The following RAI14 variants were observed in gnomAD, a reference collection of about 807,000 sequenced individuals.
RAI14 encodes the protein retinoic acid induced 14.
A neutral mutation model predicts 115.4 loss-of-function variants in RAI14; 45 were observed. The ratio of observed to expected loss-of-function variants is 0.39; its 90% confidence interval spans 0.31 to 0.50. The LOEUF (loss-of-function observed/expected upper bound fraction) is 0.50. Among genes scored for constraint, RAI14 ranks in the 20% least tolerant of loss-of-function variants. The pLI is 0.85. For synonymous variants in RAI14, 371 were observed against 415.4 expected, an observed-to-expected ratio of 0.89 and a Z score of 1.30; for missense variants, 939 against 1,131.2, an observed-to-expected ratio of 0.83 and a Z score of 2.44.
At chr5:34,816,129 A>G (rs1376867419) in intron 12 of RAI14, among the ~76,000 whole-genome samples, 1 of 152,234 alleles carries the variant, frequency 6.6e-6, no homozygotes, top group Non-Finnish European at 1.5e-5. Context: ...CAATTTGAAT[A>G]AAGTTGTAAT....
At chr5:34,741,493 A>G (rs1048253248) in intron 2 of RAI14, among the ~76,000 whole-genome samples, 1 of 152,228 alleles carries the variant, frequency 6.6e-6, no homozygotes. Context: ...CTTTATGCCT[A>G]GTTGGCAGAG....
chr5:34,690,037 C>T (rs1738374388), intron 2 of RAI14, among the ~76,000 whole-genome samples: 1 of 152,194 alleles, frequency 6.6e-6, no homozygotes, highest in Non-Finnish European at 1.5e-5. Flanking sequence ...GTAGAATACT[C>T]TGGTAACAGT....
chr5:34,719,367 C>G (rs1253430839), intron 2 of RAI14, among the ~76,000 whole-genome samples: 1 of 152,198 alleles, frequency 6.6e-6, no homozygotes, highest in Admixed American at 6.5e-5. Flanking sequence ...GGAAATCATA[C>G]AGCATCGCTT....
intron 4 of RAI14, among the ~76,000 whole-genome samples, chr5:34,799,947 A>G (rs529636275): frequency 6.6e-6 from 1 of 152,180 alleles, no homozygotes; most frequent in African/African-American, 2.4e-5. Context: ...TCGGCCTCCC[A>G]AAGAGCTGGG....
At chr5:34,830,054 C>T (rs1000328475) in intron 17 of RAI14, among the ~76,000 whole-genome samples, 1 of 152,190 alleles carries the variant, frequency 6.6e-6, no homozygotes, top group African/African-American at 2.4e-5. Flanking sequence ...GGCATAATCT[C>T]GCCTCACTGC....
intron 1 of RAI14, 62 bp from the exon 2 acceptor site, chr5:34,686,810 A>C: frequency 1.8e-6 from 2 of 1,107,766 alleles, no homozygotes; most frequent in Non-Finnish European, 1.3e-6. Context: ...CCAAGTTGTA[A>C]TCCAATCAGG....
intron 2 of RAI14, among the ~76,000 whole-genome samples, chr5:34,740,518 C>T (rs1244384651): frequency 1.3e-5 from 2 of 152,176 alleles, no homozygotes; most frequent in Admixed American, 1.3e-4. Flanking sequence ...ATGACTTTTC[C>T]AAAGTTCTCC....
Position 34,708,958 on chromosome 5 carries a change from C to T in RAI14, c.36+22003C>T, listed in dbSNP as rs149649018. On this transcript the variant is annotated intron_variant, in intron 2 of 17. Transcript: ENST00000265109. ...AGGAGTTTGAAACCAGTCTGGGCAA[C>T]ATAGCAAGACCCTATCTCTATAAAA... 3.8e-3 allele frequency among the ~76,000 whole-genome samples: 575 copies of T among 151,928 alleles called. 5 individuals carry two copies. Among genetic ancestry groups the T allele is most frequent in the Non-Finnish European group, 6.1e-3 (412 of 67,958 alleles).
chr5:34,808,749 T>C (rs575577394), intron 7 of RAI14, 95 bp downstream of exon 7: 2 of 1,196,006 alleles, frequency 1.7e-6, no homozygotes, highest in South Asian at 2.7e-5. Flanking sequence ...AGACTAGCAG[T>C]CTCCAACCTT....
chr5:34,711,905 T>C (rs1440722827), intron 2 of RAI14, among the ~76,000 whole-genome samples: 2 of 152,324 alleles, frequency 1.3e-5, no homozygotes, highest in South Asian at 2.1e-4. Flanking sequence ...CCTCTTTTCC[T>C]TATTCTATTT....
chr5:34,811,079 A>T lies in RAI14; in HGVS notation c.518A>T (p.Asp173Val). The change falls in exon 8 of 18, where the codon GAT becomes GTT. Residue 173 changes from aspartate to valine, a missense_variant. By Grantham distance (152) the Asp-to-Val change is radical (BLOSUM62 -3). Coordinates refer to ENST00000265109, the MANE Select transcript of RAI14 (RefSeq NM_015577.3). ...GHSEICHFLLDHGADVNSRNK... is the reference protein window; with the variant it reads ...GHSEICHFLLVHGADVNSRNK... Reference sequence around the variant, plus strand: ...AGTGAGATCTGTCACTTTCTCCTGGATCATGGAGCAGATGTCAATTCCAGG... The same window carrying T: ...AGTGAGATCTGTCACTTTCTCCTGGTTCATGGAGCAGATGTCAATTCCAGG... The T allele has an allele frequency of 1.9e-6, 3 of 1,614,134 alleles. No individual in the cohort carries two copies. The highest frequency in any genetic ancestry group is 2.5e-6 in the Non-Finnish European group (3 of 1,180,022).
intron 14 of RAI14, among the ~76,000 whole-genome samples, 168 bp from the exon 15 acceptor site, chr5:34,822,788 A>G (rs1757023329): frequency 7.2e-6 from 1 of 139,218 alleles, no homozygotes; most frequent in African/African-American, 2.7e-5. Context: ...GGTTCACGCC[A>G]TTCTCTTGCC....
chr5:34,665,094 T>TCAC (rs1743034339), intron 1 of RAI14, among the ~76,000 whole-genome samples: 1 of 25,898 alleles, frequency 3.9e-5, no homozygotes, highest in African/African-American at 1.3e-4. Context: ...TATATATGTG[T>TCAC]ATATATATGT....
chr5:34,769,635 G>A (rs1462108923), intron 3 of RAI14, among the ~76,000 whole-genome samples: 1 of 152,226 alleles, frequency 6.6e-6, no homozygotes, highest in African/African-American at 2.4e-5. Flanking sequence ...GATCAGATGA[G>A]TACACTGAAG....
chr5:34,830,953 C>A lies in RAI14; in HGVS notation c.*188C>A. 2 of 1,029,776 alleles carry A rather than the reference C, an allele frequency of 1.9e-6. No individual in the cohort carries two copies. Among genetic ancestry groups the A allele is most frequent in the Non-Finnish European group, 2.7e-6 (2 of 750,346 alleles). The allele number at this position is 1,029,776 out of a possible 1,614,324, so 63.8% of individuals were successfully genotyped here. Reference sequence around the variant, plus strand: ...TGCCCGCCTCAGAACTGCTTAGAGACTTCAAACCAGCAGAGGTGAAAGTCC... The same window carrying A: ...TGCCCGCCTCAGAACTGCTTAGAGAATTCAAACCAGCAGAGGTGAAAGTCC... On this transcript the variant is annotated 3_prime_UTR_variant, in exon 18 of 18. Transcript: ENST00000265109.
intron 1 of RAI14, among the ~76,000 whole-genome samples, chr5:34,682,106 C>T (rs368902545): frequency 5.3e-4 from 81 of 152,124 alleles, no homozygotes; most frequent in Middle Eastern, 6.8e-3. Flanking sequence ...CCACCCGCCT[C>T]GGCCTCCCAA....
intron 2 of RAI14, among the ~76,000 whole-genome samples, chr5:34,733,949 G>A (rs1348836373): frequency 6.6e-6 from 1 of 152,192 alleles, no homozygotes; most frequent in Non-Finnish European, 1.5e-5. Context: ...AGGCAAGATA[G>A]CACAAGTCAG....
rs567330021 is a variant in RAI14, at chr5:34,785,973, C to T, written c.168-9966C>T. ...GAAGTAATCCTATCATCCCCGCTGGCAAGGGTCCACAGACTCCTGTTGGGA... is the reference window on the plus strand; with the variant it reads ...GAAGTAATCCTATCATCCCCGCTGGTAAGGGTCCACAGACTCCTGTTGGGA... On this transcript the variant is annotated intron_variant, in intron 3 of 17. Transcript: ENST00000265109. Among the ~76,000 whole-genome samples the T allele has an allele frequency of 2.0e-5, 3 of 152,286 alleles. No individual in the cohort carries two copies. In the East Asian group the frequency reaches 5.8e-4, roughly 29 times the overall value.
chr5:34,776,005 T>TCAG (rs1378421475), intron 3 of RAI14, among the ~76,000 whole-genome samples: 6 of 152,224 alleles, frequency 3.9e-5, no homozygotes, highest in African/African-American at 1.4e-4. Context: ...GTAGCCATTA[T>TCAG]TTGGAAGCAA....
Sources: allele counts gnomAD v4.1 joint callset (sites outside exome capture counted in the v4.1 genomes callset), GRCh38; gene constraint gnomAD v4.1.1; transcripts MANE v1.5; gene names NCBI Gene and HGNC (gene_info 2026-07-23, HGNC 2026-07-21).